FAM168B: variants seen among roughly 807,000 people sequenced by gnomAD.
FAM168B encodes family with sequence similarity 168 member B, also known as myelin-associated neurite-outgrowth inhibitor.
FAM168B carries 19 observed loss-of-function variants against 21.8 expected under a neutral mutation model. The observed-to-expected ratio is 0.87, with a 90% CI of 0.61 to 1.28. The LOEUF is 1.28. Among genes scored for constraint, FAM168B ranks in the 50% most tolerant of loss-of-function variants. The pLI is 0.00. For synonymous variants in FAM168B, 126 were observed against 104.8 expected (o/e 1.20, Z -1.24); for missense variants, 233 against 263.1 (o/e 0.89, Z 0.79).
chr2:131,048,840 A>G lies in FAM168B; in HGVS notation c.*3625T>C, dbSNP rs192295582. The G allele has an allele frequency of 4.6e-5, 45 of 985,964 alleles. 1 individual carries two copies. The African/African-American group carries it at 7.3e-4, about 16-fold the overall frequency. 61.1% of individuals were successfully genotyped at this position (985,964 alleles called of 1,614,324 possible). A position where few individuals can be genotyped will look rare whatever the true frequency, so the allele number is the denominator to read the frequency against. On this transcript the variant is annotated 3_prime_UTR_variant, in exon 7 of 7. Coordinates refer to ENST00000389915, the MANE Select transcript of FAM168B (RefSeq NM_001009993.4). ...GACGCTGCCACCCACCTCAAGCCAC[A>G]CCCCTGCCACCTGCTGCTGCGCCCA...
At chr2:131,090,731 T>C (rs1693975288) in intron 1 of FAM168B, among the ~76,000 whole-genome samples, 2 of 152,106 alleles carry the variant, frequency 1.3e-5, no homozygotes, top group South Asian at 2.1e-4. Context: ...GTATAATATA[T>C]ACAAATTTTT....
chr2:131,090,586 G>A (rs1693957199), intron 1 of FAM168B, among the ~76,000 whole-genome samples: 1 of 152,126 alleles, frequency 6.6e-6, no homozygotes, highest in Admixed American at 6.6e-5. Flanking sequence ...ACAAGAGCTT[G>A]TAGACTTGGT....
Position 131,052,902 on chromosome 2 carries a change from A to G in FAM168B, c.*1T>C. On this transcript the variant is annotated 3_prime_UTR_variant, in exon 6 of 7. Transcript: ENST00000389915. ...CCCTGGTCACTTACATTTGCAGGTG[A>G]TCACCACTGAGGGGGCACATAGCTG... 1 of 1,554,482 alleles carries G rather than the reference A, an allele frequency of 6.4e-7. No individual in the cohort carries two copies. Among genetic ancestry groups the G allele is most frequent in the Non-Finnish European group, 8.7e-7 (1 of 1,148,252 alleles).
rs1691608998 is a variant in FAM168B at position 131,050,667 on chromosome 2, TAAG to T, written c.*1795_*1797del. On this transcript the variant is annotated 3_prime_UTR_variant, in exon 7 of 7. Transcript: ENST00000389915. ...AAATAAGATGTGAAAAAGAAAATTA[TAAG>T]AAGTACTTACTATAAAAAATAAGGT... is the stretch of plus-strand genomic sequence containing the variant. 3 of 985,014 alleles carry T rather than the reference TAAG, an allele frequency of 3.0e-6. No homozygotes were observed. Among genetic ancestry groups the T allele is most frequent in the Non-Finnish European group, 1.2e-6 (1 of 829,472 alleles). 61.0% of individuals were successfully genotyped at this position (985,014 alleles called of 1,614,324 possible).
intron 5 of FAM168B, among the ~76,000 whole-genome samples, chr2:131,054,070 A>G (rs6743192): frequency 0.027 from 4,112 of 151,846 alleles, 177 homozygotes; most frequent in African/African-American, 0.092. Flanking sequence ...TTAGGCAGGC[A>G]TGGTGGCAGG....
chr2:131,085,915 G>A (rs186147517), intron 1 of FAM168B, among the ~76,000 whole-genome samples: 91 of 152,324 alleles, frequency 6.0e-4, no homozygotes, highest in Non-Finnish European at 9.1e-4. Flanking sequence ...TGAGGCTACT[G>A]TGAGATTGAT....
chr2:131,077,720 T>G (rs1341360496), intron 2 of FAM168B, among the ~76,000 whole-genome samples: 1 of 152,186 alleles, frequency 6.6e-6, no homozygotes, highest in Non-Finnish European at 1.5e-5. Context: ...TTTGGTGATC[T>G]TGAAGGGCTG....
chr2:131,067,913 G>T (rs972914434), intron 3 of FAM168B, among the ~76,000 whole-genome samples: 1 of 152,176 alleles, frequency 6.6e-6, no homozygotes, highest in Non-Finnish European at 1.5e-5. Context: ...GCTGGGTGTG[G>T]TGGTTTATGC....
rs1693794798 is a variant in FAM168B, at chr2:131,087,839, G to GT, written c.-11-5183dup. On this transcript the variant is annotated intron_variant, in intron 1 of 6. Coordinates refer to ENST00000389915, the MANE Select transcript of FAM168B (RefSeq NM_001009993.4). ...CACCTACAGTTGGACATGAACATTT[G>GT]TAACAGCATTATTCCTAACAGCCAA... Among the ~76,000 whole-genome samples the GT allele has an allele frequency of 2.0e-5, 3 of 152,316 alleles. No homozygotes were observed. In the South Asian group the frequency reaches 6.2e-4, roughly 32 times the overall value.
chr2:131,060,964 G>A (rs1198589280), intron 3 of FAM168B, among the ~76,000 whole-genome samples: 1 of 151,402 alleles, frequency 6.6e-6, no homozygotes, highest in Admixed American at 6.6e-5. Context: ...CCATTCTCCT[G>A]CCTCAGTCTC....
chr2:131,088,022 G>C (rs1010742859), intron 1 of FAM168B, among the ~76,000 whole-genome samples: 2 of 152,136 alleles, frequency 1.3e-5, no homozygotes, highest in African/African-American at 4.8e-5. Context: ...GATGAGGGCG[G>C]ATCACTTGAG....
rs1691634511 is a variant in FAM168B at position 131,050,966 on chromosome 2, G to A, written c.*1499C>T. The A allele has an allele frequency of 3.0e-6, 3 of 985,500 alleles. No individual in the cohort carries two copies. Among genetic ancestry groups the A allele is most frequent in the East Asian group, 1.1e-4 (1 of 8,816 alleles). The allele number at this position is 985,500 out of a possible 1,614,324, so 61.0% of individuals were successfully genotyped here. A position where few individuals can be genotyped will look rare whatever the true frequency, so the allele number is the denominator to read the frequency against. On this transcript the variant is annotated 3_prime_UTR_variant, in exon 7 of 7. Coordinates refer to ENST00000389915, the MANE Select transcript of FAM168B (RefSeq NM_001009993.4). ...ACTGAGAACCGACATGCACTCTCATGGATACAGGACGGGCATATTTTGGGG... is the reference window on the plus strand; with the variant it reads ...ACTGAGAACCGACATGCACTCTCATAGATACAGGACGGGCATATTTTGGGG...
intron 6 of FAM168B, 24 bp from the exon 7 acceptor site, chr2:131,052,476 C>A: frequency 2.0e-6 from 2 of 1,001,902 alleles, no homozygotes; most frequent in Non-Finnish European, 2.4e-6. Flanking sequence ...GACAGACACT[C>A]AGTCACACAG....
chr2:131,091,229 C>G (rs1694003888), intron 1 of FAM168B, among the ~76,000 whole-genome samples: 1 of 152,088 alleles, frequency 6.6e-6, no homozygotes, highest in African/African-American at 2.4e-5. Context: ...ATCTCAGCTA[C>G]TCCGGAGGCT....
chr2:131,067,772 A>C (rs1692645136), intron 3 of FAM168B, among the ~76,000 whole-genome samples: 1 of 152,116 alleles, frequency 6.6e-6, no homozygotes, highest in Non-Finnish European at 1.5e-5. Flanking sequence ...CCTTCAGAGA[A>C]AGACAGAGAA....
intron 3 of FAM168B, among the ~76,000 whole-genome samples, chr2:131,058,055 C>T (rs1426848083): frequency 6.6e-6 from 1 of 152,128 alleles, no homozygotes; most frequent in East Asian, 1.9e-4. Flanking sequence ...TAGTCTGGAA[C>T]TCCTGGCCTC....
Position 131,093,277 on chromosome 2 carries a change from G to C in FAM168B, c.-75C>G, listed in dbSNP as rs911818092. 6.7e-6 allele frequency: 1 copy of C among 150,166 alleles called. No individual in the cohort carries two copies. Among genetic ancestry groups the C allele is most frequent in the Non-Finnish European group, 1.5e-5 (1 of 67,210 alleles). The allele number at this position is 150,166 out of a possible 1,614,324, so 9.3% of individuals were successfully genotyped here. ...ACGCCGGCCCGCGGCGGGCTTGGCC[G>C]TGGGGCGAAACAAGGGGGGCGTGCC... On this transcript the variant is annotated 5_prime_UTR_variant, in exon 1 of 7. Coordinates refer to ENST00000389915, the MANE Select transcript of FAM168B (RefSeq NM_001009993.4).
At position 131,051,679 on chromosome 2, in the gene FAM168B, A is replaced by G. The variant is rs1691685615; in HGVS notation, c.*786T>C. ...TGTAATGAAAATTTAGATAGCAGAG[A>G]AACTGCTTTGCTGACACATAAACCA... On this transcript the variant is annotated 3_prime_UTR_variant, in exon 7 of 7. Coordinates refer to ENST00000389915, the MANE Select transcript of FAM168B (RefSeq NM_001009993.4). The G allele has an allele frequency of 1.0e-6, 1 of 985,264 alleles. No homozygotes were observed. Among genetic ancestry groups the G allele is most frequent in the Admixed American group, 6.2e-5 (1 of 16,256 alleles). 61.0% of individuals were successfully genotyped at this position (985,264 alleles called of 1,614,324 possible).
Position 131,052,022 on chromosome 2 carries a change from A to G in FAM168B, c.*443T>C, listed in dbSNP as rs1050428411. 4 of 985,600 alleles carry G rather than the reference A, an allele frequency of 4.1e-6. No individual in the cohort carries two copies. Among genetic ancestry groups the G allele is most frequent in the South Asian group, 4.7e-5 (1 of 21,294 alleles). 61.1% of individuals were successfully genotyped at this position (985,600 alleles called of 1,614,324 possible). Reference sequence around the variant, plus strand: ...TATGAAGAAATTCACTTTAACACTTATAACTGTAAGACTTTGCATACATTA... The same window carrying G: ...TATGAAGAAATTCACTTTAACACTTGTAACTGTAAGACTTTGCATACATTA... On this transcript the variant is annotated 3_prime_UTR_variant, in exon 7 of 7. Coordinates refer to ENST00000389915, the MANE Select transcript of FAM168B (RefSeq NM_001009993.4).
Sources: allele counts gnomAD v4.1 joint callset (sites outside exome capture counted in the v4.1 genomes callset), GRCh38; gene constraint gnomAD v4.1.1; transcripts MANE v1.5; gene names NCBI Gene and HGNC (gene_info 2026-07-23, HGNC 2026-07-21).